The following SV2C variants were observed in gnomAD, a reference collection of about 807,000 sequenced individuals.
The protein encoded by SV2C is solute carrier family 22 member B3.
Under a neutral mutation model 79.7 loss-of-function variants are expected in SV2C, and 49 were observed. The ratio of observed to expected loss-of-function variants is 0.61; its 90% CI spans 0.49 to 0.78. The LOEUF is 0.78. Ranked by LOEUF, SV2C falls within the 30% of genes least tolerant of loss-of-function variation. The pLI is 0.00. For missense variants in SV2C, 833 were observed against 912.9 expected (o/e 0.91, Z 1.13); for synonymous variants, 334 against 333.2 (o/e 1.00, Z -0.03).
the SV2C span, among the ~76,000 whole-genome samples, chr5:75,877,610 AAAT>A: frequency 8.0e-5 from 12 of 149,418 alleles, no homozygotes; most frequent in Middle Eastern, 6.8e-3. Context: ...AAAAAAAAAA[AAAT>A]CAAATTGAAA....
chr5:76,007,591 G>A, the SV2C span, among the ~76,000 whole-genome samples: 109 of 152,114 alleles, frequency 7.2e-4, 1 homozygote, highest in Middle Eastern at 0.01. Flanking sequence ...ACAGTACTTC[G>A]TCAGGGTAAG....
chr5:76,094,817 G>A (rs2112105251), intron 1 of SV2C, among the ~76,000 whole-genome samples: 1 of 152,070 alleles, frequency 6.6e-6, no homozygotes, highest in South Asian at 2.1e-4. Flanking sequence ...AATTTTAAGA[G>A]TTCTTTGTGT....
chr5:76,027,052 C>CA, the SV2C span, among the ~76,000 whole-genome samples: 1 of 147,468 alleles, frequency 6.8e-6, no homozygotes, highest in African/African-American at 2.5e-5. Flanking sequence ...GTATTATTTT[C>CA]AGTTGTCTTT....
the SV2C span, among the ~76,000 whole-genome samples, chr5:76,066,944 T>C: frequency 6.6e-6 from 1 of 152,152 alleles, no homozygotes. Context: ...GTTTAAAAGC[T>C]CACTTTGCAG....
At chr5:76,074,206 A>G in the SV2C span, among the ~76,000 whole-genome samples, 1 of 152,170 alleles carries the variant, frequency 6.6e-6, no homozygotes, top group Non-Finnish European at 1.5e-5. Context: ...AAGCAGGTAA[A>G]TTGTGCTTCT....
chr5:76,043,071 C>A, the SV2C span, among the ~76,000 whole-genome samples: 6 of 151,964 alleles, frequency 3.9e-5, no homozygotes, highest in African/African-American at 7.3e-5. Flanking sequence ...TCTGTTAGGC[C>A]AATTGTTTTG....
chr5:75,927,597 A>G, the SV2C span, among the ~76,000 whole-genome samples: 1 of 152,196 alleles, frequency 6.6e-6, no homozygotes, highest in Non-Finnish European at 1.5e-5. Context: ...CATAGGTTTA[A>G]CAATATGGTA....
chr5:75,994,209 A>C, the SV2C span, among the ~76,000 whole-genome samples: 2 of 152,108 alleles, frequency 1.3e-5, no homozygotes, highest in Non-Finnish European at 2.9e-5. Flanking sequence ...TATGTGATCA[A>C]TTTAGGAAGA....
chr5:76,144,086 C>G (rs1256629351), intron 2 of SV2C, among the ~76,000 whole-genome samples: 1 of 151,986 alleles, frequency 6.6e-6, no homozygotes, highest in Non-Finnish European at 1.5e-5. Flanking sequence ...GGTTACGCAA[C>G]AATGTGAATG....
intron 4 of SV2C, among the ~76,000 whole-genome samples, chr5:76,224,769 A>G (rs1461287617): frequency 2.0e-5 from 3 of 152,196 alleles, no homozygotes; most frequent in Non-Finnish European, 4.4e-5. Flanking sequence ...CAGGTTGTTA[A>G]GGTAAAAAAT....
intron 4 of SV2C, among the ~76,000 whole-genome samples, chr5:76,240,784 AAC>A (rs1745760690): frequency 6.6e-6 from 1 of 152,314 alleles, no homozygotes. Flanking sequence ...ACCACCTCAA[AAC>A]ACAGAATTTC....
the SV2C span, among the ~76,000 whole-genome samples, chr5:76,064,677 C>T: frequency 2.0e-5 from 3 of 152,236 alleles, no homozygotes; most frequent in African/African-American, 7.2e-5. Context: ...TCCTTCTTCT[C>T]CGGATCCCTT....
Position 76,314,076 on chromosome 5 carries a change from T to C in SV2C, c.2001-11288T>C, listed in dbSNP as rs371367571. Among the ~76,000 whole-genome samples, 3 of 152,328 alleles carry C rather than the reference T, an allele frequency of 2.0e-5. No homozygotes were observed. In the East Asian group the frequency reaches 5.8e-4, roughly 29 times the overall value. ...TATGATGAGAGGATGTTAGGTTGCA[T>C]GTGTACTTGTTTAACTCACTAGAAT... On this transcript the variant is annotated intron_variant, in intron 12 of 12. Coordinates refer to ENST00000502798, the MANE Select transcript of SV2C (RefSeq NM_014979.4).
intron 4 of SV2C, among the ~76,000 whole-genome samples, chr5:76,268,463 G>C (rs143679688): frequency 4.6e-5 from 7 of 152,166 alleles, no homozygotes; most frequent in Admixed American, 4.6e-4. Context: ...GTGTGGGCCC[G>C]TCCCGCTGCA....
intron 1 of SV2C, among the ~76,000 whole-genome samples, chr5:76,104,229 C>T (rs559053721): frequency 1.0e-3 from 154 of 152,270 alleles, no homozygotes; most frequent in African/African-American, 3.5e-3. Flanking sequence ...TGGCCAAGGC[C>T]CACGGGAAGG....
At chr5:75,977,544 AT>A in the SV2C span, among the ~76,000 whole-genome samples, 2,293 of 152,194 alleles carry the variant, frequency 0.015, 59 homozygotes, top group African/African-American at 0.052. Context: ...ATTTGTTGAA[AT>A]TTTGTTTTTT....
chr5:76,177,182 ATATAT>A (rs1368991931), intron 2 of SV2C, among the ~76,000 whole-genome samples: 284 of 147,084 alleles, frequency 1.9e-3, no homozygotes, highest in African/African-American at 6.8e-3. Context: ...ATATTAATCA[ATATAT>A]TATATATTAA....
At chr5:76,165,162 A>G (rs1743009896) in intron 2 of SV2C, among the ~76,000 whole-genome samples, 1 of 152,150 alleles carries the variant, frequency 6.6e-6, no homozygotes, top group African/African-American at 2.4e-5. Context: ...TTTTTTTAAC[A>G]GTTTAAGACT....
Position 76,330,377 on chromosome 5 carries a change from T to A in SV2C, c.*4830T>A, listed in dbSNP as rs1749141751. On this transcript the variant is annotated 3_prime_UTR_variant, in exon 13 of 13. Coordinates refer to ENST00000502798, the MANE Select transcript of SV2C (RefSeq NM_014979.4). ...GGGAAGAGCTGAGCCGAGCCTTCACTGATCTCTTGTCATTTCATATGATTA... is the reference window on the plus strand; with the variant it reads ...GGGAAGAGCTGAGCCGAGCCTTCACAGATCTCTTGTCATTTCATATGATTA... The A allele has an allele frequency of 6.6e-6, 1 of 152,216 alleles. No homozygotes were observed. The highest frequency in any genetic ancestry group is 2.1e-4 in the South Asian group (1 of 4,832). 9.4% of individuals were successfully genotyped at this position (152,216 alleles called of 1,614,324 possible).
Sources: gnomAD v4.1 joint callset for allele counts (sites outside exome capture counted in the v4.1 genomes callset) on GRCh38, gnomAD v4.1.1 for gene constraint, MANE v1.5 for transcripts, NCBI Gene and HGNC (gene_info 2026-07-23, HGNC 2026-07-21) for gene names.